MECR: variants seen among roughly 807,000 people sequenced by gnomAD.
The protein encoded by MECR is mitochondrial trans-2-enoyl-CoA reductase, also known as enoyl-[acyl-carrier-protein] reductase, mitochondrial.
A neutral mutation model predicts 49.1 loss-of-function variants in MECR; 37 were observed. The ratio of observed to expected loss-of-function variants is 0.75; its 90% CI spans 0.58 to 0.99. The LOEUF (loss-of-function observed/expected upper bound fraction) is 0.99, where lower values mean the gene tolerates loss of function less well. MECR is among the 50% of genes least tolerant of loss of function. MECR has a pLI of 0.00. For synonymous variants in MECR, 198 were observed against 191.1 expected, an observed-to-expected ratio of 1.04 and a Z score of -0.30; for missense variants, 470 against 479.6, an observed-to-expected ratio of 0.98 and a Z score of 0.19.
intron 1 of MECR, among the ~76,000 whole-genome samples, chr1:29,221,912 T>C (rs1018490196): frequency 1.3e-5 from 2 of 152,120 alleles, no homozygotes; most frequent in Non-Finnish European, 2.9e-5. Flanking sequence ...CGTTCAGTCC[T>C]CAAAATGCCT....
At chr1:29,178,190 G>A in the MECR span, among the ~76,000 whole-genome samples, 1 of 151,820 alleles carries the variant, frequency 6.6e-6, no homozygotes, top group Non-Finnish European at 1.5e-5. Flanking sequence ...GTGAGCCACC[G>A]TGACCGGTCT....
intron 3 of MECR, among the ~76,000 whole-genome samples, chr1:29,209,148 A>C (rs1677326038): frequency 6.6e-6 from 1 of 152,216 alleles, no homozygotes; most frequent in South Asian, 2.1e-4. Flanking sequence ...CATGAGTTCC[A>C]CTGTGAATTC....
intron 3 of MECR, among the ~76,000 whole-genome samples, chr1:29,207,881 C>T (rs1472302337): frequency 8.5e-5 from 13 of 152,160 alleles, no homozygotes; most frequent in Non-Finnish European, 1.9e-4. Flanking sequence ...CCTCAAACTG[C>T]TGCAATCTAA....
intron 3 of MECR, among the ~76,000 whole-genome samples, chr1:29,210,519 A>C (rs554995838): frequency 6.6e-6 from 1 of 152,304 alleles, no homozygotes; most frequent in African/African-American, 2.4e-5. Flanking sequence ...TGCTTAGTGC[A>C]GGGCTTTCTA....
Position 29,201,807 on chromosome 1 carries a change from C to T in MECR, c.756+136G>A, listed in dbSNP as rs1675380638. The T allele has an allele frequency of 2.5e-6, 2 of 794,026 alleles. No individual in the cohort carries two copies. Among genetic ancestry groups the T allele is most frequent in the African/African-American group, 1.7e-5 (1 of 58,160 alleles). 49.2% of individuals were successfully genotyped at this position (794,026 alleles called of 1,614,324 possible). ...CTGCCGCCTGGCTAGGGGGAATGGG[C>T]TTTAACCAACCAAGAGGCAAAGGGA... On this transcript the variant is annotated intron_variant, in intron 6 of 9. Coordinates refer to ENST00000263702, the MANE Select transcript of MECR (RefSeq NM_016011.5). This position sits in a 1 kb window ranked among gnomAD's most constrained non-coding sequence, Gnocchi z 4.3.
chr1:29,167,841 G>T, the MECR span, among the ~76,000 whole-genome samples: 4 of 152,084 alleles, frequency 2.6e-5, no homozygotes, highest in Admixed American at 6.5e-5. Context: ...TCATCCATTT[G>T]TATATCAAAT....
chr1:29,186,286 T>A, the MECR span, among the ~76,000 whole-genome samples: 1 of 152,256 alleles, frequency 6.6e-6, no homozygotes. Flanking sequence ...CTCATCAGAC[T>A]GTTCACAGTC....
chr1:29,213,845 G>A (rs1419771713), intron 3 of MECR, among the ~76,000 whole-genome samples: 2 of 152,124 alleles, frequency 1.3e-5, no homozygotes, highest in South Asian at 2.1e-4. Flanking sequence ...TCATGTTGTG[G>A]GAACAATTGA....
chr1:29,173,833 C>T, the MECR span, among the ~76,000 whole-genome samples: 1 of 151,638 alleles, frequency 6.6e-6, no homozygotes, highest in Non-Finnish European at 1.5e-5. Flanking sequence ...ATATATAATT[C>T]TAAACATTTT....
chr1:29,172,713 T>C, the MECR span: 5 of 152,356 alleles, frequency 3.3e-5, no homozygotes, highest in East Asian at 9.6e-4. Flanking sequence ...TTATATGCAC[T>C]GAGATACTTG....
intron 1 of MECR, chr1:29,223,172 T>A (rs772387674): frequency 3.5e-4 from 349 of 985,280 alleles, no homozygotes; most frequent in Non-Finnish European, 4.1e-4. Flanking sequence ...AATGGCGCCA[T>A]GCAACTCGAG....
chr1:29,183,177 A>G, the MECR span, among the ~76,000 whole-genome samples: 1 of 152,228 alleles, frequency 6.6e-6, no homozygotes, highest in Non-Finnish European at 1.5e-5. Context: ...AGGTTAATTT[A>G]CCCTTATAAA....
intron 1 of MECR, among the ~76,000 whole-genome samples, chr1:29,226,190 A>T (rs2151918973): frequency 6.6e-6 from 1 of 151,520 alleles, no homozygotes; most frequent in African/African-American, 2.4e-5. Flanking sequence ...AAAAAAAAAA[A>T]AAAAAGACAG....
At position 29,193,381 on chromosome 1, in the gene MECR, A is replaced by G. The variant is rs1426459333; in HGVS notation, c.*641T>C. On this transcript the variant is annotated 3_prime_UTR_variant, in exon 10 of 10. Coordinates refer to ENST00000263702, the MANE Select transcript of MECR (RefSeq NM_016011.5). ...GCCAGAAATATCCCCAGACATTGTCAAATGTCTCCTGGGGGTAAAATTGCC... is the reference window on the plus strand; with the variant it reads ...GCCAGAAATATCCCCAGACATTGTCGAATGTCTCCTGGGGGTAAAATTGCC... The G allele has an allele frequency of 5.4e-6, 1 of 186,426 alleles. No homozygotes were observed. Among genetic ancestry groups the G allele is most frequent in the East Asian group, 1.9e-4 (1 of 5,200 alleles). 11.5% of individuals were successfully genotyped at this position (186,426 alleles called of 1,614,324 possible). A position where few individuals can be genotyped will look rare whatever the true frequency, so the allele number is the denominator to read the frequency against.
rs181928912 is a variant in MECR, at chr1:29,195,397, G to A, written c.964+544C>T. ...TCCTGAGTTTGGAGATCCCGCTCTG[G>A]GGAGCCAGTCCTCCAGGAGATGAAC... On this transcript the variant is annotated intron_variant, in intron 9 of 9. Coordinates refer to ENST00000263702, the MANE Select transcript of MECR (RefSeq NM_016011.5). Among the ~76,000 whole-genome samples the A allele has an allele frequency of 9.6e-3, 1,462 of 152,288 alleles. 7 individuals are homozygous for A. Among genetic ancestry groups the A allele is most frequent in the Middle Eastern group, 0.017 (5 of 292 alleles).
At chr1:29,192,102 C>A (rs1673154794), downstream of MECR, among the ~76,000 whole-genome samples, 1 of 151,566 alleles carries the variant, frequency 6.6e-6, no homozygotes, top group Admixed American at 6.6e-5. Context: ...AAAAAAAAAA[C>A]AAACATTCCG....
chr1:29,194,259 C>A (rs561676718), intron 9 of MECR, 80 bp from the exon 10 acceptor site: 171 of 1,444,506 alleles, frequency 1.2e-4, no homozygotes, highest in Non-Finnish European at 1.5e-4. Flanking sequence ...GCCCTATGGG[C>A]AGGAGCTGGC....
intron 1 of MECR, among the ~76,000 whole-genome samples, chr1:29,217,211 G>GTTTT (rs796559272): frequency 8.2e-6 from 1 of 121,522 alleles, no homozygotes; most frequent in African/African-American, 3.0e-5. Flanking sequence ...AACCCACAGT[G>GTTTT]TTTTTTTTTT....
At chr1:29,177,274 ACT>A in the MECR span, among the ~76,000 whole-genome samples, 3 of 145,520 alleles carry the variant, frequency 2.1e-5, no homozygotes, top group African/African-American at 7.7e-5. Context: ...CCCTACAGTA[ACT>A]CTTTTTGTTT....
Sources: gnomAD v4.1 joint callset for allele counts (sites outside exome capture counted in the v4.1 genomes callset) on GRCh38, gnomAD v4.1.1 for gene constraint, Gnocchi (gnomAD v3.1) non-coding constraint, MANE v1.5 for transcripts, NCBI Gene and HGNC (gene_info 2026-07-23, HGNC 2026-07-21) for gene names.